Variants in TBC1D15 observed in about 807,000 individuals in gnomAD.
TBC1D15 encodes GAP for RAB7.
A neutral mutation model predicts 95.4 loss-of-function variants in TBC1D15; 39 were observed. That is an observed-to-expected ratio of 0.41 (90% CI 0.32 to 0.53). The LOEUF is 0.53. TBC1D15 is among the 20% of genes least tolerant of loss of function. TBC1D15 has a pLI of 0.29. For missense variants in TBC1D15, 733 were observed against 794.3 expected (o/e 0.92, Z 0.93); for synonymous variants, 258 against 261.3 (o/e 0.99, Z 0.12).
intron 1 of TBC1D15, among the ~76,000 whole-genome samples, chr12:71,844,227 T>C (rs1314540100): frequency 1.3e-5 from 2 of 152,242 alleles, no homozygotes; most frequent in African/African-American, 4.8e-5. Flanking sequence ...GCAGCCACTT[T>C]ATTGGCTTAG....
chr12:71,916,237 T>C (rs1903674668), intron 12 of TBC1D15, among the ~76,000 whole-genome samples: 1 of 152,138 alleles, frequency 6.6e-6, no homozygotes, highest in South Asian at 2.1e-4. Context: ...TTGATCCCAC[T>C]CTCCCTTCTC....
intron 1 of TBC1D15, chr12:71,849,422 C>T: frequency 8.0e-7 from 1 of 1,245,864 alleles, no homozygotes; most frequent in East Asian, 2.3e-5. Flanking sequence ...TTCCTGTAAT[C>T]AGTCAAAACA....
chr12:71,907,862 G>C (rs1901146294), intron 11 of TBC1D15: 1 of 152,194 alleles, frequency 6.6e-6, no homozygotes, highest in African/African-American at 2.4e-5. Context: ...CTCTTTACCA[G>C]AAATTTGTTG....
intron 3 of TBC1D15, among the ~76,000 whole-genome samples, chr12:71,874,052 A>G (rs1893242377): frequency 6.6e-6 from 1 of 152,234 alleles, no homozygotes. Context: ...TTATAAGGAC[A>G]TTAGTCATAT....
chr12:71,893,361 G>T, intron 6 of TBC1D15, 37 bp downstream of exon 6: 1 of 1,482,138 alleles, frequency 6.7e-7, no homozygotes, highest in Non-Finnish European at 9.3e-7. Context: ...TATTCTGACT[G>T]CATTATTTTA....
chr12:71,857,412 T>C (rs1165504925), intron 1 of TBC1D15, among the ~76,000 whole-genome samples: 1 of 152,192 alleles, frequency 6.6e-6, no homozygotes, highest in East Asian at 1.9e-4. Context: ...AGAGATAACT[T>C]TTCAAATATC....
intron 14 of TBC1D15, among the ~76,000 whole-genome samples, chr12:71,919,144 T>A (rs1868331392): frequency 6.6e-6 from 1 of 151,678 alleles, no homozygotes; most frequent in African/African-American, 2.4e-5. Context: ...CAACCTTTAA[T>A]GAAAAACCAA....
chr12:71,879,082 A>C (rs1894586926), intron 3 of TBC1D15, among the ~76,000 whole-genome samples: 1 of 151,966 alleles, frequency 6.6e-6, no homozygotes, highest in South Asian at 2.1e-4. Context: ...AGTAATAGAA[A>C]GTTGAAGCCC....
intron 1 of TBC1D15, chr12:71,849,670 A>T (rs1342624251): frequency 1.8e-6 from 1 of 559,002 alleles, no homozygotes; most frequent in African/African-American, 1.9e-5. Context: ...TCCATCAGCA[A>T]CTCTATCTCC....
At position 71,914,451 on chromosome 12, in the gene TBC1D15, A is replaced by G. The variant is rs565471057; in HGVS notation, c.1401+525A>G. Among the ~76,000 whole-genome samples the G allele has an allele frequency of 5.3e-5, 8 of 152,194 alleles. No homozygotes were observed. In the East Asian group the frequency reaches 1.3e-3, roughly 26 times the overall value. ...ATTATTAGAATTGAACTGTCTATAT[A>G]TACATGTTAGTACAAAGAACATTTT... is the stretch of plus-strand genomic sequence containing the variant. On this transcript the variant is annotated intron_variant, in intron 12 of 16. Transcript: ENST00000485960.
intron 11 of TBC1D15, among the ~76,000 whole-genome samples, chr12:71,912,134 C>T (rs1401962271): frequency 2.0e-5 from 3 of 152,100 alleles, no homozygotes; most frequent in East Asian, 3.8e-4. Flanking sequence ...TATTTTTTGT[C>T]ATTGATTTCA....
At chr12:71,915,671 A>G (rs1903548143) in intron 12 of TBC1D15, among the ~76,000 whole-genome samples, 1 of 152,042 alleles carries the variant, frequency 6.6e-6, no homozygotes, top group Admixed American at 6.6e-5. Context: ...TTGTGTATGA[A>G]GGTTCAGTTT....
At chr12:71,884,749 C>A in intron 4 of TBC1D15, 62 bp from the exon 5 acceptor site, 2 of 1,497,512 alleles carry the variant, frequency 1.3e-6, no homozygotes, top group Non-Finnish European at 1.8e-6. Context: ...TCATGGAGAG[C>A]ACTGTCAGTA....
At chr12:71,900,889 T>C (rs1181538764) in intron 10 of TBC1D15, among the ~76,000 whole-genome samples, 1 of 152,140 alleles carries the variant, frequency 6.6e-6, no homozygotes, top group African/African-American at 2.4e-5. Context: ...GGGGGTTCTC[T>C]TACCACTCCT....
chr12:71,864,434 C>T (rs1891043313), intron 1 of TBC1D15, among the ~76,000 whole-genome samples: 1 of 151,358 alleles, frequency 6.6e-6, no homozygotes, highest in Non-Finnish European at 1.5e-5. Flanking sequence ...AATTCCCTTT[C>T]TAAACTCTGT....
At position 71,839,770 on chromosome 12, in the gene TBC1D15, C is replaced by T. The variant is rs1349675436; in HGVS notation, c.-12C>T. ...GGTTCTGCTACGTCATTACCAGGCA[C>T]GCGCAGGAAACATGGCGGCGGCGGG... On this transcript the variant is annotated 5_prime_UTR_variant, in exon 1 of 17. The change creates a new upstream start codon in the 5' untranslated region. Transcript: ENST00000485960. The T allele has an allele frequency of 6.2e-7, 1 of 1,614,170 alleles. No homozygotes were observed. Among genetic ancestry groups the T allele is most frequent in the South Asian group, 1.1e-5 (1 of 91,090 alleles).
At chr12:71,879,441 A>G (rs151128835) in intron 3 of TBC1D15, among the ~76,000 whole-genome samples, 86 of 151,952 alleles carry the variant, frequency 5.7e-4, no homozygotes, top group African/African-American at 2.1e-3. Context: ...GGCCTCCCTT[A>G]CCTGTCTCTG....
At chr12:71,849,829 T>A (rs577147467) in intron 1 of TBC1D15, 2 of 555,396 alleles carry the variant, frequency 3.6e-6, no homozygotes, top group East Asian at 8.8e-5. Context: ...AATAGACTTT[T>A]GCCATTCTGT....
chr12:71,886,601 CTG>C (rs1308905752), intron 5 of TBC1D15, among the ~76,000 whole-genome samples: 1 of 152,220 alleles, frequency 6.6e-6, no homozygotes, highest in Non-Finnish European at 1.5e-5. Context: ...AGATTCTCGA[CTG>C]TGTATTTTCT....
Sources: allele counts gnomAD v4.1 joint callset (sites outside exome capture counted in the v4.1 genomes callset), GRCh38; gene constraint gnomAD v4.1.1; transcripts MANE v1.5; gene names NCBI Gene and HGNC (gene_info 2026-07-23, HGNC 2026-07-21).